Variants in CSMD1 observed in about 807,000 individuals in gnomAD.
CSMD1 encodes CUB and Sushi multiple domains 1.
Under a neutral mutation model 417.5 loss-of-function variants are expected in CSMD1, and 213 were observed. That is an observed-to-expected ratio of 0.51 (90% confidence interval 0.46 to 0.57). The LOEUF (loss-of-function observed/expected upper bound fraction) is 0.57. Ranked by LOEUF, CSMD1 falls within the 20% of genes least tolerant of loss-of-function variation. CSMD1 has a pLI of 0.00. For synonymous variants in CSMD1, 2,862 were observed against 1,736.8 expected (o/e 1.65, Z -16.11); for missense variants, 6,923 against 4,529.7 (o/e 1.53, Z -15.17).
At chr8:4,604,550 T>A (rs975909171) in intron 2 of CSMD1, among the ~76,000 whole-genome samples, 1 of 152,130 alleles carries the variant, frequency 6.6e-6, no homozygotes, top group Non-Finnish European at 1.5e-5. Flanking sequence ...TGAACGCTTT[T>A]ATTTTTTTCT....
intron 5 of CSMD1, among the ~76,000 whole-genome samples, chr8:3,800,279 T>G (rs1330409029): frequency 6.6e-6 from 1 of 152,250 alleles, no homozygotes; most frequent in African/African-American, 2.4e-5. Flanking sequence ...ATACAAGAAG[T>G]TTAATGCCAT....
intron 5 of CSMD1, among the ~76,000 whole-genome samples, chr8:3,814,550 G>C: frequency 6.6e-6 from 1 of 152,172 alleles, no homozygotes; most frequent in South Asian, 2.1e-4. Flanking sequence ...CTGTGGTTGT[G>C]ATATCAGGGT....
At chr8:4,657,583 C>G (rs143416337) in intron 1 of CSMD1, among the ~76,000 whole-genome samples, 2 of 151,902 alleles carry the variant, frequency 1.3e-5, no homozygotes, top group African/African-American at 2.4e-5. Context: ...TCAATAACTA[C>G]AGCAATAAAA....
At chr8:3,474,366 C>A (rs1283957199) in intron 11 of CSMD1, among the ~76,000 whole-genome samples, 1 of 152,092 alleles carries the variant, frequency 6.6e-6, no homozygotes, top group African/African-American at 2.4e-5. Context: ...TTTTTGACCT[C>A]TCTCGGGGGA....
intron 54 of CSMD1, among the ~76,000 whole-genome samples, chr8:2,985,375 T>G (rs1805800330): frequency 8.4e-6 from 1 of 118,828 alleles, no homozygotes; most frequent in Non-Finnish European, 1.7e-5. Flanking sequence ...GGCAGGAGAC[T>G]GTGGTGTGAT....
At chr8:4,359,553 G>C (rs942648613) in intron 3 of CSMD1, among the ~76,000 whole-genome samples, 1 of 152,192 alleles carries the variant, frequency 6.6e-6, no homozygotes, top group Non-Finnish European at 1.5e-5. Context: ...CTCTTGCGCA[G>C]AAGAGCCCTG....
At chr8:4,724,886 T>G (rs1306180362) in intron 1 of CSMD1, among the ~76,000 whole-genome samples, 1 of 152,090 alleles carries the variant, frequency 6.6e-6, no homozygotes, top group Non-Finnish European at 1.5e-5. Flanking sequence ...AAACCTCAAC[T>G]ATAATATGAA....
intron 8 of CSMD1, among the ~76,000 whole-genome samples, chr8:3,614,210 A>C (rs753165945): frequency 6.6e-6 from 1 of 152,158 alleles, no homozygotes; most frequent in Non-Finnish European, 1.5e-5. Context: ...AGAGACATAT[A>C]AACAACATAG....
chr8:4,570,386 G>T (rs1167628952), intron 2 of CSMD1, among the ~76,000 whole-genome samples: 1 of 152,060 alleles, frequency 6.6e-6, no homozygotes, highest in Non-Finnish European at 1.5e-5. Context: ...GCATCTATCG[G>T]GATAATCATG....
chr8:4,185,359 A>G (rs1798603934), intron 3 of CSMD1, among the ~76,000 whole-genome samples: 1 of 152,080 alleles, frequency 6.6e-6, no homozygotes, highest in Admixed American at 6.6e-5. Flanking sequence ...TTTACTATGA[A>G]GATTAAATTG....
At chr8:3,187,771 G>C (rs1796149263) in intron 36 of CSMD1, 98 bp downstream of exon 36, 1 of 859,668 alleles carries the variant, frequency 1.2e-6, no homozygotes, top group Non-Finnish European at 1.9e-6. Flanking sequence ...GAATTGTGTA[G>C]GAAAATTTCT....
At chr8:4,672,015 G>T (rs1357661574) in intron 1 of CSMD1, among the ~76,000 whole-genome samples, 1 of 152,164 alleles carries the variant, frequency 6.6e-6, no homozygotes, top group Non-Finnish European at 1.5e-5. Context: ...GTGGCTTACT[G>T]AGAGCATGAC....
chr8:3,869,609 A>G (rs906983453), intron 5 of CSMD1, among the ~76,000 whole-genome samples: 3 of 152,160 alleles, frequency 2.0e-5, no homozygotes, highest in African/African-American at 7.2e-5. Context: ...GAGAGAAAAC[A>G]TGCACTTTCT....
chr8:4,874,155 T>C (rs770714346), intron 1 of CSMD1, among the ~76,000 whole-genome samples: 2 of 152,064 alleles, frequency 1.3e-5, no homozygotes, highest in African/African-American at 2.4e-5. Context: ...TTTTTCAAAA[T>C]AGCTTTATAC....
intron 37 of CSMD1, among the ~76,000 whole-genome samples, chr8:3,168,029 G>T (rs1290815871): frequency 6.6e-6 from 1 of 150,450 alleles, no homozygotes; most frequent in African/African-American, 2.5e-5. Flanking sequence ...CTGGCAGAGT[G>T]TAAGGTTTTC....
chr8:3,670,745 A>ATATGGGATATATATG (rs1429636992), intron 7 of CSMD1, among the ~76,000 whole-genome samples: 1 of 118,754 alleles, frequency 8.4e-6, no homozygotes, highest in African/African-American at 2.9e-5. Flanking sequence ...GGATGTATGT[A>ATATGGGATATATATG]TATGGGATAT....
At chr8:3,571,584 G>A (rs1799944168) in intron 10 of CSMD1, among the ~76,000 whole-genome samples, 2 of 152,026 alleles carry the variant, frequency 1.3e-5, no homozygotes, top group Non-Finnish European at 2.9e-5. Context: ...CACACCCACG[G>A]CACCTACTGG....
Position 4,188,111 on chromosome 8 carries a change from T to G in CSMD1, c.416-156012A>C, listed in dbSNP as rs558199499. On this transcript the variant is annotated intron_variant, in intron 3 of 69. Transcript: ENST00000635120. ...GCTGGCAGGATGCACGACATGTAAT[T>G]AAAAACATAGGTTTTAAGGTACTGC... Among the ~76,000 whole-genome samples, 29 of 152,250 alleles carry G rather than the reference T, an allele frequency of 1.9e-4. No homozygotes were observed. In the East Asian group the frequency reaches 4.8e-3, roughly 25 times the overall value.
At chr8:4,307,583 G>C (rs1798316914) in intron 3 of CSMD1, among the ~76,000 whole-genome samples, 1 of 152,160 alleles carries the variant, frequency 6.6e-6, no homozygotes, top group South Asian at 2.1e-4. Flanking sequence ...TGTTTACAGA[G>C]TCCAGCCTCT....
Sources: allele counts gnomAD v4.1 joint callset (sites outside exome capture counted in the v4.1 genomes callset), GRCh38; gene constraint gnomAD v4.1.1; transcripts MANE v1.5; gene names NCBI Gene and HGNC (gene_info 2026-07-23, HGNC 2026-07-21).